FSD2: variants seen among roughly 807,000 people sequenced by gnomAD.
The protein encoded by FSD2 is fibronectin type III and SPRY domain containing 2, also known as fibronectin type III and SPRY domain-containing protein 2.
Under a neutral mutation model 80.4 loss-of-function variants are expected in FSD2, and 71 were observed. That is an observed-to-expected ratio of 0.88 (90% confidence interval 0.73 to 1.08). The LOEUF (loss-of-function observed/expected upper bound fraction) is 1.08. Among genes scored for constraint, FSD2 ranks in the 50% least tolerant of loss-of-function variants. The pLI is 0.00. For synonymous variants in FSD2, 361 were observed against 329.5 expected, an observed-to-expected ratio of 1.10 and a Z score of -1.03; for missense variants, 923 against 913.8, an observed-to-expected ratio of 1.01 and a Z score of -0.13.
At chr15:82,780,344 T>TG in intron 4 of FSD2, 77 bp from the exon 5 acceptor site, 1 of 1,161,356 alleles carries the variant, frequency 8.6e-7, no homozygotes, top group East Asian at 2.7e-5. Flanking sequence ...TTTCTTTTTT[T>TG]TTTTTTCTTA....
At chr15:82,761,990 T>C in intron 12 of FSD2, 112 bp downstream of exon 12, 2 of 1,009,632 alleles carry the variant, frequency 2.0e-6, no homozygotes, top group Non-Finnish European at 1.4e-6. Context: ...TCCTGAAATA[T>C]CTTAAAATAT....
At chr15:82,788,199 A>T (rs2050050755) in intron 1 of FSD2, among the ~76,000 whole-genome samples, 1 of 152,136 alleles carries the variant, frequency 6.6e-6, no homozygotes, top group Non-Finnish European at 1.5e-5. Flanking sequence ...AACTGTACTT[A>T]AAAGTAACAG....
chr15:82,787,464 G>A lies in FSD2; in HGVS notation c.-74C>T, dbSNP rs556848942. The A allele has an allele frequency of 7.0e-7, 1 of 1,428,662 alleles. No individual in the cohort carries two copies. Among genetic ancestry groups the A allele is most frequent in the East Asian group, 2.3e-5 (1 of 43,486 alleles). The allele number at this position is 1,428,662 out of a possible 1,614,324, so 88.5% of individuals were successfully genotyped here. The stretch of plus-strand genomic sequence containing the variant: ...CCTGGACACTTAATAGTGAATATCT[G>A]GGCCCTGGAACACAAAAGGAGGAGG... On this transcript the variant is annotated 5_prime_UTR_variant, in exon 2 of 13. Transcript: ENST00000334574.
chr15:82,768,433 C>A, intron 9 of FSD2, among the ~76,000 whole-genome samples: 1 of 152,196 alleles, frequency 6.6e-6, no homozygotes, highest in Non-Finnish European at 1.5e-5. Flanking sequence ...TATTACATTT[C>A]TTTTTCCTTC....
rs1437691903 is a variant in FSD2, at chr15:82,778,029, A to G, written c.1111+737T>C. On this transcript the variant is annotated intron_variant, in intron 6 of 12. Transcript: ENST00000334574. Reference sequence around the variant, plus strand: ...TGTGTGCCTGTAGTTCTAACTACTCAGGAGGCTGAGGTGGGAAGATCATGT... The same window carrying G: ...TGTGTGCCTGTAGTTCTAACTACTCGGGAGGCTGAGGTGGGAAGATCATGT... Among the ~76,000 whole-genome samples, 3 of 149,016 alleles carry G rather than the reference A, an allele frequency of 2.0e-5. No homozygotes were observed. The East Asian group carries it at 5.9e-4, about 29-fold the overall frequency.
intron 8 of FSD2, 127 bp downstream of exon 8, chr15:82,769,623 G>GA (rs1164675215): frequency 3.4e-6 from 4 of 1,192,238 alleles, no homozygotes; most frequent in Admixed American, 2.5e-5. Context: ...TTAAATAAAA[G>GA]AAAAAAATGT....
rs113269510 is a variant in FSD2, at chr15:82,800,678, C to G, written c.-79+5288G>C. Among the ~76,000 whole-genome samples, 922 of 92,442 alleles carry G rather than the reference C, an allele frequency of 1.0e-2. 8 individuals carry two copies. Among genetic ancestry groups the G allele is most frequent in the African/African-American group, 0.036 (832 of 23,250 alleles). The allele number at this position is 92,442 out of a possible 152,430, so 60.6% of individuals were successfully genotyped here. A position where few individuals can be genotyped will look rare whatever the true frequency, so the allele number is the denominator to read the frequency against. On this transcript the variant is annotated intron_variant, in intron 1 of 12. Coordinates refer to ENST00000334574, the MANE Select transcript of FSD2 (RefSeq NM_001007122.4). ...CTGCACTCCAGCCTGGGGGATAGAG[C>G]GAGATTCTGTCTCAAAAAAAAAAAA...
intron 7 of FSD2, among the ~76,000 whole-genome samples, 154 bp downstream of exon 7, chr15:82,771,919 C>T (rs1018682851): frequency 3.9e-5 from 6 of 152,246 alleles, no homozygotes; most frequent in Middle Eastern, 3.2e-3. Context: ...CCTTGCTAGC[C>T]CTTTCTGCCC....
chr15:82,790,544 T>TTGTGTGTGTGTGTGTG (rs57545404), intron 1 of FSD2, among the ~76,000 whole-genome samples: 1,740 of 148,764 alleles, frequency 0.012, 19 homozygotes, highest in Middle Eastern at 0.027. Context: ...GAGCTGCCAT[T>TTGTGTGTGTGTGTGTG]TGTGTGTGTG....
At chr15:82,795,846 T>C (rs2050252127) in intron 1 of FSD2, among the ~76,000 whole-genome samples, 1 of 148,690 alleles carries the variant, frequency 6.7e-6, no homozygotes, top group Non-Finnish European at 1.5e-5. Context: ...AAAAAAAAAG[T>C]ATTAGATGAT....
chr15:82,768,603 T>TGAAC (rs2049479818), intron 9 of FSD2, among the ~76,000 whole-genome samples: 1 of 151,888 alleles, frequency 6.6e-6, no homozygotes, highest in African/African-American at 2.4e-5. Flanking sequence ...GTTGAATGAA[T>TGAAC]GAATGAATGA....
chr15:82,766,327 G>A (rs1433135893), intron 9 of FSD2, among the ~76,000 whole-genome samples: 1 of 152,138 alleles, frequency 6.6e-6, no homozygotes, highest in Non-Finnish European at 1.5e-5. Flanking sequence ...GGTTAACACT[G>A]CATCATGGAG....
At chr15:82,782,027 G>A (rs112493790) in intron 4 of FSD2, among the ~76,000 whole-genome samples, 6 of 147,950 alleles carry the variant, frequency 4.1e-5, no homozygotes, top group East Asian at 4.0e-4. Context: ...TCGTGCCACT[G>A]CACTCCAGCC....
chr15:82,760,008 G>C (rs2049254464), intron 12 of FSD2, among the ~76,000 whole-genome samples: 1 of 152,078 alleles, frequency 6.6e-6, no homozygotes, highest in South Asian at 2.1e-4. Context: ...TGCCCAGGCT[G>C]GTCTCGAACT....
In FSD2 at chr15:82,759,107, G is replaced by A. The variant is rs148135723; in HGVS notation, c.*241C>T. The A allele has an allele frequency of 2.0e-6, 1 of 499,036 alleles. No individual in the cohort carries two copies. The highest frequency in any genetic ancestry group is 1.9e-5 in the African/African-American group (1 of 51,964). The allele number at this position is 499,036 out of a possible 1,614,324, so 30.9% of individuals were successfully genotyped here. A position where few individuals can be genotyped will look rare whatever the true frequency, so the allele number is the denominator to read the frequency against. On this transcript the variant is annotated 3_prime_UTR_variant, in exon 13 of 13. Transcript: ENST00000334574. The stretch of plus-strand genomic sequence containing the variant: ...CTTCAAAGACTTTTGAGTTCGTTTA[G>A]TCTGAGCCTTTATTTTACAGCTGGG...
intron 9 of FSD2, among the ~76,000 whole-genome samples, chr15:82,767,970 C>A (rs1450791921): frequency 6.6e-6 from 1 of 152,144 alleles, no homozygotes; most frequent in Non-Finnish European, 1.5e-5. Flanking sequence ...GTGGTTCATC[C>A]CCTTTCACAA....
At chr15:82,799,407 C>G (rs1243092987) in intron 1 of FSD2, among the ~76,000 whole-genome samples, 1 of 152,178 alleles carries the variant, frequency 6.6e-6, no homozygotes, top group African/African-American at 2.4e-5. Context: ...AACCTCCATT[C>G]TAGGCCCTCT....
chr15:82,787,825 G>T (rs2050040801), intron 1 of FSD2, among the ~76,000 whole-genome samples: 1 of 151,974 alleles, frequency 6.6e-6, no homozygotes, highest in Non-Finnish European at 1.5e-5. Flanking sequence ...TGTCACCCAG[G>T]CTAGAGTGCA....
chr15:82,799,560 C>G (rs1223950945), intron 1 of FSD2, among the ~76,000 whole-genome samples: 1 of 152,194 alleles, frequency 6.6e-6, no homozygotes, highest in Non-Finnish European at 1.5e-5. Context: ...CAGCTGCTGT[C>G]TTGAGCAGCC....
Sources: allele counts gnomAD v4.1 joint callset (sites outside exome capture counted in the v4.1 genomes callset), GRCh38; gene constraint gnomAD v4.1.1; transcripts MANE v1.5; gene names NCBI Gene and HGNC (gene_info 2026-07-23, HGNC 2026-07-21).